The following USP32 variants were observed in gnomAD, a reference collection of about 807,000 sequenced individuals.
USP32 encodes ubiquitin specific peptidase 32.
USP32 carries 59 observed loss-of-function variants against 204.8 expected under a neutral mutation model. That is an observed-to-expected ratio of 0.29 (90% CI 0.23 to 0.36). The LOEUF (loss-of-function observed/expected upper bound fraction) is 0.36. USP32 is among the 10% of genes least tolerant of loss of function. USP32 has a pLI of 1.00. For missense variants in USP32, 1,160 were observed against 1,946.4 expected (o/e 0.60, Z 7.60); for synonymous variants, 517 against 678.4 (o/e 0.76, Z 3.70).
intron 9 of USP32, chr17:60,256,713 ACC>A (rs2086316780): frequency 5.3e-6 from 6 of 1,138,536 alleles, no homozygotes; most frequent in Non-Finnish European, 6.5e-6. Flanking sequence ...CAATGCCTGC[ACC>A]ACGGCAACAG....
At chr17:60,211,351 A>T (rs551578695) in intron 20 of USP32, 25 bp downstream of exon 20, 1 of 1,604,248 alleles carries the variant, frequency 6.2e-7, no homozygotes, top group Non-Finnish European at 8.5e-7. Flanking sequence ...ACAGGTTAAG[A>T]GGCCAGTGAC....
At chr17:60,286,185 T>A (rs1375219925) in intron 5 of USP32, among the ~76,000 whole-genome samples, 6 of 151,084 alleles carry the variant, frequency 4.0e-5, no homozygotes, top group African/African-American at 1.2e-4. Flanking sequence ...GTTTTCTGTA[T>A]CCAATGGAAA....
At chr17:60,266,177 T>G in intron 7 of USP32, 86 bp from the exon 8 acceptor site, 1 of 1,000,520 alleles carries the variant, frequency 1.0e-6, no homozygotes. Context: ...CTTGTATAAT[T>G]ACTTAGTTTT....
At chr17:60,413,037 A>T (rs1343364699) in intron 1 of USP32, among the ~76,000 whole-genome samples, 1 of 151,972 alleles carries the variant, frequency 6.6e-6, no homozygotes, top group Non-Finnish European at 1.5e-5. Context: ...AAATTAAAAC[A>T]TTGCTACAGG....
intron 7 of USP32, among the ~76,000 whole-genome samples, chr17:60,268,489 A>G (rs931290141): frequency 6.7e-6 from 1 of 149,486 alleles, no homozygotes; most frequent in Non-Finnish European, 1.5e-5. Flanking sequence ...GGGAGGATCC[A>G]TTGAGCCCAG....
intron 18 of USP32, among the ~76,000 whole-genome samples, chr17:60,212,797 A>G (rs1323052526): frequency 6.6e-6 from 1 of 150,880 alleles, no homozygotes; most frequent in Non-Finnish European, 1.5e-5. Context: ...TTGTCCCCCC[A>G]GGTTGGAGTG....
intron 5 of USP32, among the ~76,000 whole-genome samples, 154 bp downstream of exon 5, chr17:60,288,369 A>G (rs8067482): frequency 0.067 from 10,207 of 152,038 alleles, 1,207 homozygotes; most frequent in African/African-American, 0.23. Context: ...GAGCCCAGGA[A>G]GTTGAGACTG....
intron 2 of USP32, among the ~76,000 whole-genome samples, chr17:60,307,517 A>G (rs539915982): frequency 1.3e-5 from 2 of 152,346 alleles, no homozygotes; most frequent in African/African-American, 2.4e-5. Context: ...ATCCTAAAAC[A>G]TACATGGAAC....
At chr17:60,269,408 C>T (rs2086674099) in intron 7 of USP32, 42 bp downstream of exon 7, 1 of 1,461,770 alleles carries the variant, frequency 6.8e-7, no homozygotes, top group Non-Finnish European at 9.5e-7. Flanking sequence ...GATTTTCTCT[C>T]TACATAGTTT....
intron 2 of USP32, among the ~76,000 whole-genome samples, chr17:60,306,969 T>C (rs912218434): frequency 6.6e-6 from 1 of 152,088 alleles, no homozygotes; most frequent in Non-Finnish European, 1.5e-5. Flanking sequence ...AGGAATCAGT[T>C]TAGCCAGAGA....
At chr17:60,286,316 G>A (rs1236399197) in intron 5 of USP32, among the ~76,000 whole-genome samples, 1 of 152,184 alleles carries the variant, frequency 6.6e-6, no homozygotes, top group Non-Finnish European at 1.5e-5. Flanking sequence ...CTTTGCGGAT[G>A]TAATGAATTA....
chr17:60,366,213 C>T (rs2089310313), intron 1 of USP32, among the ~76,000 whole-genome samples: 2 of 151,956 alleles, frequency 1.3e-5, no homozygotes, highest in Non-Finnish European at 2.9e-5. Context: ...GGCTGGAGTG[C>T]AGTGGCGCGA....
intron 1 of USP32, among the ~76,000 whole-genome samples, chr17:60,412,462 G>C (rs1370011637): frequency 6.6e-6 from 1 of 151,528 alleles, no homozygotes; most frequent in Non-Finnish European, 1.5e-5. Context: ...CTGAGTCTGA[G>C]AGGTCAAGGC....
intron 30 of USP32, 102 bp from the exon 31 acceptor site, chr17:60,183,555 A>G (rs2084170084): frequency 7.1e-7 from 1 of 1,416,064 alleles, no homozygotes; most frequent in African/African-American, 1.4e-5. Flanking sequence ...TTGGGAATAT[A>G]TAACAGAACA....
chr17:60,182,791 A>AT (rs899696499), intron 31 of USP32, among the ~76,000 whole-genome samples: 1 of 151,272 alleles, frequency 6.6e-6, no homozygotes, highest in Non-Finnish European at 1.5e-5. Flanking sequence ...AATAAAATAA[A>AT]TTAAAAAAAA....
chr17:60,371,448 A>G (rs761264854), intron 1 of USP32, among the ~76,000 whole-genome samples: 5 of 151,864 alleles, frequency 3.3e-5, no homozygotes, highest in Non-Finnish European at 7.4e-5. Context: ...ACGCCTATAT[A>G]ATCCCAGCTA....
At chr17:60,179,569 C>T (rs759123722) in intron 33 of USP32, 141 bp from the exon 34 acceptor site, 2 of 1,070,816 alleles carry the variant, frequency 1.9e-6, no homozygotes, top group Non-Finnish European at 2.7e-6. Flanking sequence ...TGTCTCACAC[C>T]TGCCCCTTTA....
intron 1 of USP32, among the ~76,000 whole-genome samples, chr17:60,358,393 G>T (rs1379145599): frequency 5.3e-5 from 8 of 151,906 alleles, no homozygotes; most frequent in African/African-American, 1.4e-4. Flanking sequence ...TGGCCAACAT[G>T]GTAAAACCCC....
chr17:60,278,567 G>C (rs537177861), intron 5 of USP32, among the ~76,000 whole-genome samples: 5 of 151,886 alleles, frequency 3.3e-5, no homozygotes, highest in Non-Finnish European at 2.9e-5. Context: ...AGGACAGAAA[G>C]ACAAAAAAGC....
Sources: gnomAD v4.1 joint callset for allele counts (sites outside exome capture counted in the v4.1 genomes callset) on GRCh38, gnomAD v4.1.1 for gene constraint, MANE v1.5 for transcripts, NCBI Gene and HGNC (gene_info 2026-07-23, HGNC 2026-07-21) for gene names.